The following MVB12B variants were observed in gnomAD, a reference collection of about 807,000 sequenced individuals.
MVB12B encodes multivesicular body subunit 12B, also known as ESCRT-I complex subunit MVB12B.
MVB12B carries 16 observed loss-of-function variants against 41.6 expected under a neutral mutation model. The observed-to-expected ratio is 0.38, with a 90% CI of 0.26 to 0.58. The LOEUF (loss-of-function observed/expected upper bound fraction) is 0.58. Among genes scored for constraint, MVB12B ranks in the 20% least tolerant of loss-of-function variants. The probability of loss-of-function intolerance (pLI) is 0.62; values close to 1 mark genes in which losing one functional copy is unlikely to be tolerated. For synonymous variants in MVB12B, 133 were observed against 139.7 expected (o/e 0.95, Z 0.34); for missense variants, 274 against 380.2 (o/e 0.72, Z 2.32).
chr9:126,405,312 G>A (rs1831387873), intron 6 of MVB12B, among the ~76,000 whole-genome samples: 2 of 152,054 alleles, frequency 1.3e-5, no homozygotes, highest in African/African-American at 2.4e-5. Context: ...AGTCCAGCTC[G>A]CGAGTGCACG....
chr9:126,481,938 G>A (rs1050927818), intron 8 of MVB12B, among the ~76,000 whole-genome samples: 2 of 152,256 alleles, frequency 1.3e-5, no homozygotes, highest in South Asian at 2.1e-4. Context: ...CACGGAGGCC[G>A]CCATGCAAAT....
chr9:126,407,394 G>C (rs1354018218), intron 6 of MVB12B, among the ~76,000 whole-genome samples: 1 of 152,180 alleles, frequency 6.6e-6, no homozygotes. Flanking sequence ...GGAGCTCTGT[G>C]TGCTGGCCGG....
intron 2 of MVB12B, among the ~76,000 whole-genome samples, chr9:126,369,694 C>A (rs1287005891): frequency 6.6e-6 from 1 of 152,038 alleles, no homozygotes; most frequent in African/African-American, 2.4e-5. Flanking sequence ...ACTCTTGTTG[C>A]CCAGGCTAGA....
At chr9:126,360,464 G>A (rs571951126) in intron 2 of MVB12B, among the ~76,000 whole-genome samples, 53 of 152,324 alleles carry the variant, frequency 3.5e-4, no homozygotes, top group African/African-American at 1.3e-3. Flanking sequence ...GATTTGGCCT[G>A]CAAGCTGTGA....
At chr9:126,402,357 G>A (rs79313511) in intron 6 of MVB12B, among the ~76,000 whole-genome samples, 1 of 151,954 alleles carries the variant, frequency 6.6e-6, no homozygotes, top group African/African-American at 2.4e-5. Flanking sequence ...GGCTTGGGGC[G>A]CTGGGTGTGG....
rs184348080 is a variant in MVB12B, at chr9:126,450,371, C to G, written c.757+28423C>G. 5.8e-4 allele frequency among the ~76,000 whole-genome samples: 89 copies of G among 152,338 alleles called. 2 individuals are homozygous for G. Among genetic ancestry groups the G allele is most frequent in the Admixed American group, 5.2e-3 (79 of 15,296 alleles). ...CAGAGCAGCCTGGGAAGCTAGCCCCCATTGGGGTGACACAGATGGCAAGCC... is the reference window on the plus strand; with the variant it reads ...CAGAGCAGCCTGGGAAGCTAGCCCCGATTGGGGTGACACAGATGGCAAGCC... On this transcript the variant is annotated intron_variant, in intron 7 of 9. Transcript: ENST00000361171.
chr9:126,463,910 C>T lies in MVB12B; in HGVS notation c.758-17459C>T, dbSNP rs78072430. ...CCAGTTTGTGCAGTACTCAAGCCTA[C>T]TATCTTCGTCACTCCCGTACTTGGG... On this transcript the variant is annotated intron_variant, in intron 7 of 9. Transcript: ENST00000361171. 4.8e-3 allele frequency among the ~76,000 whole-genome samples: 727 copies of T among 152,324 alleles called. 5 individuals carry two copies. Among genetic ancestry groups the T allele is most frequent in the African/African-American group, 0.017 (703 of 41,568 alleles).
At chr9:126,498,013 A>C (rs1422209295) in intron 9 of MVB12B, among the ~76,000 whole-genome samples, 2 of 152,168 alleles carry the variant, frequency 1.3e-5, no homozygotes, top group Non-Finnish European at 2.9e-5. Context: ...TGGGGCCCTG[A>C]AGGCCTCTCC....
intron 9 of MVB12B, among the ~76,000 whole-genome samples, chr9:126,496,677 G>A (rs1417327069): frequency 6.6e-6 from 1 of 152,152 alleles, no homozygotes; most frequent in Non-Finnish European, 1.5e-5. Context: ...GAGGGAGGAG[G>A]AGTGTTCCTG....
At position 126,468,044 on chromosome 9, in the gene MVB12B, C is replaced by T. The variant is rs114542239; in HGVS notation, c.758-13325C>T. Among the ~76,000 whole-genome samples, 59 of 152,328 alleles carry T rather than the reference C, an allele frequency of 3.9e-4. 1 individual carries two copies. Among genetic ancestry groups the T allele is most frequent in the African/African-American group, 1.4e-3 (59 of 41,578 alleles). On this transcript the variant is annotated intron_variant, in intron 7 of 9. Transcript: ENST00000361171. The surrounding 1 kb of genome is among the most constrained non-coding windows in gnomAD (Gnocchi z 4.3). ...TGTGCGCTTATGTATCTGTCTACAA[C>T]TACATATTAAAACCGACTTTATAAT... is the stretch of plus-strand genomic sequence containing the variant.
intron 6 of MVB12B, among the ~76,000 whole-genome samples, chr9:126,416,016 C>T (rs1031630628): frequency 6.6e-6 from 1 of 152,110 alleles, no homozygotes; most frequent in African/African-American, 2.4e-5. Context: ...GGTTGGCAGA[C>T]GTGAATGCAG....
intron 6 of MVB12B, among the ~76,000 whole-genome samples, chr9:126,410,666 C>T (rs1831618636): frequency 6.6e-6 from 1 of 152,150 alleles, no homozygotes; most frequent in South Asian, 2.1e-4. Flanking sequence ...CTCTCTGACT[C>T]CCGGAGCCTC....
chr9:126,482,193 C>T (rs1833538059), intron 8 of MVB12B, among the ~76,000 whole-genome samples: 1 of 152,222 alleles, frequency 6.6e-6, no homozygotes, highest in Non-Finnish European at 1.5e-5. Flanking sequence ...GGCAGTGGCC[C>T]CCTCCCAGCT....
rs1830935190 is a variant in MVB12B, at chr9:126,391,012, C to T, written c.410-1054C>T. The stretch of plus-strand genomic sequence containing the variant: ...GAGTTCAAAAATCACCATTGTGAAC[C>T]TTTAATAAAACATGGATCTTAGCAA... On this transcript the variant is annotated intron_variant, in intron 4 of 9. Coordinates refer to ENST00000361171, the MANE Select transcript of MVB12B (RefSeq NM_033446.3). This position sits in a 1 kb window ranked among gnomAD's most constrained non-coding sequence, Gnocchi z 4.4. 6.6e-6 allele frequency among the ~76,000 whole-genome samples: 1 copy of T among 151,814 alleles called. No homozygotes were observed. Among genetic ancestry groups the T allele is most frequent in the South Asian group, 2.1e-4 (1 of 4,792 alleles).
At chr9:126,489,823 C>T in intron 9 of MVB12B, among the ~76,000 whole-genome samples, 1 of 152,250 alleles carries the variant, frequency 6.6e-6, no homozygotes, top group African/African-American at 2.4e-5. Context: ...TGAATTTTTA[C>T]CTCATCGTCC....
chr9:126,406,245 C>T (rs532368271), intron 6 of MVB12B, among the ~76,000 whole-genome samples: 5 of 152,314 alleles, frequency 3.3e-5, no homozygotes, highest in African/African-American at 1.2e-4. Flanking sequence ...AACGCTGACC[C>T]TCTGCTGTGA....
chr9:126,494,610 G>A (rs1270398903), intron 9 of MVB12B, among the ~76,000 whole-genome samples: 2 of 152,186 alleles, frequency 1.3e-5, no homozygotes, highest in Non-Finnish European at 2.9e-5. Context: ...TTTAGGTAAA[G>A]TAATGCCTAC....
intron 7 of MVB12B, among the ~76,000 whole-genome samples, chr9:126,438,069 C>T (rs1449471396): frequency 1.3e-5 from 2 of 152,174 alleles, no homozygotes; most frequent in Non-Finnish European, 2.9e-5. Flanking sequence ...GTGTATAGAA[C>T]ATAGCTGTTA....
At chr9:126,409,299 C>CTGTGTGTGTGTGTGTG (rs61211126) in intron 6 of MVB12B, among the ~76,000 whole-genome samples, 8 of 138,118 alleles carry the variant, frequency 5.8e-5, no homozygotes, top group African/African-American at 2.2e-4. Flanking sequence ...GTGAGTAACT[C>CTGTGTGTGTGTGTGTG]TGTGTGTGTG....
Sources: gnomAD v4.1 joint callset for allele counts (sites outside exome capture counted in the v4.1 genomes callset) on GRCh38, gnomAD v4.1.1 for gene constraint, Gnocchi (gnomAD v3.1) non-coding constraint, MANE v1.5 for transcripts, NCBI Gene and HGNC (gene_info 2026-07-23, HGNC 2026-07-21) for gene names.